CCDC38: variants seen among roughly 807,000 people sequenced by gnomAD.
CCDC38 encodes the protein coiled-coil domain containing 38, also known as coiled-coil domain-containing protein 38.
Under a neutral mutation model 72.8 loss-of-function variants are expected in CCDC38, and 69 were observed. The observed-to-expected ratio is 0.95, with a 90% CI of 0.78 to 1.16. CCDC38 has a LOEUF of 1.16. CCDC38 is among the 50% of genes most tolerant of loss of function. CCDC38 has a pLI of 0.00. For missense variants in CCDC38, 626 were observed against 638.9 expected (o/e 0.98, Z 0.22); for synonymous variants, 201 against 213.2 (o/e 0.94, Z 0.50).
intron 2 of CCDC38, among the ~76,000 whole-genome samples, chr12:95,927,943 C>A (rs1162974896): frequency 6.7e-6 from 1 of 149,740 alleles, no homozygotes; most frequent in African/African-American, 2.5e-5. Context: ...TGTGGGTAAC[C>A]CGACCTTTCT....
intron 7 of CCDC38, among the ~76,000 whole-genome samples, chr12:95,895,753 C>T (rs2079880418): frequency 1.9e-5 from 1 of 53,626 alleles, no homozygotes; most frequent in Non-Finnish European, 3.0e-5. Context: ...AACTCTGTCT[C>T]GAAAAAAAAA....
chr12:95,869,716 C>T (rs544460736), intron 14 of CCDC38, 143 bp from the exon 15 acceptor site: 31 of 601,362 alleles, frequency 5.2e-5, no homozygotes, highest in Admixed American at 1.1e-4. Context: ...TACTCATAAC[C>T]GTGGCTTTTG....
chr12:95,919,097 T>C, intron 2 of CCDC38, 121 bp from the exon 3 acceptor site: 1 of 649,752 alleles, frequency 1.5e-6, no homozygotes, highest in Non-Finnish European at 2.7e-6. Flanking sequence ...GAGAAGGTAG[T>C]GTTAAAAGAA....
Position 95,879,481 on chromosome 12 carries a change from G to A in CCDC38, c.1142+163C>T, listed in dbSNP as rs1247290377. ...CAAAATTAAAGCCAGTCTATTCTGTGTAAATACGACGTCTACGTTTTGCAC... is the reference window on the plus strand; with the variant it reads ...CAAAATTAAAGCCAGTCTATTCTGTATAAATACGACGTCTACGTTTTGCAC... On this transcript the variant is annotated intron_variant, in intron 12 of 15. Coordinates refer to ENST00000344280, the MANE Select transcript of CCDC38 (RefSeq NM_182496.3). The surrounding 1 kb of genome is among the most constrained non-coding windows in gnomAD (Gnocchi z 5.5). Among the ~76,000 whole-genome samples the A allele has an allele frequency of 6.6e-6, 1 of 152,162 alleles. No individual in the cohort carries two copies. Among genetic ancestry groups the A allele is most frequent in the African/African-American group, 2.4e-5 (1 of 41,424 alleles).
intron 1 of CCDC38, among the ~76,000 whole-genome samples, chr12:95,937,285 T>A (rs1326238957): frequency 6.6e-6 from 1 of 152,192 alleles, no homozygotes; most frequent in Non-Finnish European, 1.5e-5. Context: ...ACAGAACTTG[T>A]CTCTATTTAA....
At chr12:95,889,899 T>A (rs1263119607) in intron 9 of CCDC38, among the ~76,000 whole-genome samples, 7 of 115,076 alleles carry the variant, frequency 6.1e-5, no homozygotes, top group Non-Finnish European at 1.4e-4. Flanking sequence ...TTATTTTACT[T>A]TATTTATTTA....
rs369508095 is a variant in CCDC38, at chr12:95,929,912, A to C, written c.37+6561T>G. Among the ~76,000 whole-genome samples the C allele has an allele frequency of 3.3e-5, 5 of 152,158 alleles. No homozygotes were observed. The East Asian group carries it at 9.6e-4, about 29-fold the overall frequency. Reference sequence around the variant, plus strand: ...CAGTTCTAGCTTCTGATGGCTCTAGACATTCATTGGCTGGATAATTCCAAC... The same window carrying C: ...CAGTTCTAGCTTCTGATGGCTCTAGCCATTCATTGGCTGGATAATTCCAAC... On this transcript the variant is annotated intron_variant, in intron 2 of 15. Coordinates refer to ENST00000344280, the MANE Select transcript of CCDC38 (RefSeq NM_182496.3).
At chr12:95,910,584 G>T (rs561123084) in intron 4 of CCDC38, among the ~76,000 whole-genome samples, 1 of 152,320 alleles carries the variant, frequency 6.6e-6, no homozygotes, top group South Asian at 2.1e-4. Flanking sequence ...AATTCAGGCT[G>T]GGCATGGTGG....
In CCDC38 at chr12:95,881,558, TAAAAGAA is replaced by T. The variant is rs1331044024; in HGVS notation, c.921-11_921-5del. The T allele has an allele frequency of 1.2e-6, 2 of 1,606,056 alleles. No individual in the cohort carries two copies. The highest frequency in any genetic ancestry group is 1.7e-6 in the Non-Finnish European group (2 of 1,176,180). ...TGAACCGAAACTTTCAGCCAGGCTG[TAAAAGAA>T]AAAAGAAAAAGAAAATGTCTGATTT... On this transcript the variant is annotated splice_polypyrimidine_tract_variant and splice_region_variant and intron_variant, in intron 10 of 15. Transcript: ENST00000344280.
chr12:95,881,484 C>G lies in CCDC38; in HGVS notation c.990+1G>C. The G allele has an allele frequency of 6.2e-7, 1 of 1,605,434 alleles. No homozygotes were observed. Among genetic ancestry groups the G allele is most frequent in the South Asian group, 1.1e-5 (1 of 89,870 alleles). ...TAAACTAGCAAATATAATCTGGTTA[C>G]CAAATCAACGTCCATTTCATCATCT... On this transcript the variant is annotated splice_donor_variant, in intron 11 of 15. Transcript: ENST00000344280. LOFTEE classifies it high-confidence loss of function.
At chr12:95,900,634 T>C (rs2079940401) in intron 5 of CCDC38, among the ~76,000 whole-genome samples, 1 of 152,200 alleles carries the variant, frequency 6.6e-6, no homozygotes, top group African/African-American at 2.4e-5. Context: ...CTGCTCATAA[T>C]GGTTACACCT....
chr12:95,935,031 G>C (rs764849472), intron 2 of CCDC38: 1 of 151,972 alleles, frequency 6.6e-6, no homozygotes, highest in Non-Finnish European at 1.5e-5. Context: ...CCATTCCCTG[G>C]TTGTATTATA....
intron 2 of CCDC38, among the ~76,000 whole-genome samples, chr12:95,923,285 C>T (rs750457751): frequency 6.6e-6 from 1 of 152,126 alleles, no homozygotes; most frequent in Non-Finnish European, 1.5e-5. Flanking sequence ...CATAGTAAAT[C>T]TCCTTCTTAT....
chr12:95,875,602 G>A (rs988340587), intron 13 of CCDC38, among the ~76,000 whole-genome samples: 2 of 152,086 alleles, frequency 1.3e-5, no homozygotes, highest in Admixed American at 6.6e-5. Flanking sequence ...ATTATGTTTT[G>A]TATATTCTGA....
chr12:95,913,342 A>G (rs1418556524), intron 4 of CCDC38, among the ~76,000 whole-genome samples: 1 of 152,182 alleles, frequency 6.6e-6, no homozygotes, highest in Admixed American at 6.5e-5. Context: ...TTCCCCACTA[A>G]GTTGATGTCA....
At chr12:95,940,191 C>CT (rs1196255837) in intron 1 of CCDC38, among the ~76,000 whole-genome samples, 2 of 152,208 alleles carry the variant, frequency 1.3e-5, no homozygotes, top group African/African-American at 4.8e-5. Flanking sequence ...CTGACAACTA[C>CT]TTTTTGTAAG....
intron 11 of CCDC38, 51 bp downstream of exon 11, chr12:95,881,434 A>G: frequency 8.0e-7 from 1 of 1,249,994 alleles, no homozygotes; most frequent in Non-Finnish European, 1.2e-6. Flanking sequence ...AATGATCATC[A>G]GTATTTTTCA....
chr12:95,886,025 C>G (rs967575542), intron 10 of CCDC38, among the ~76,000 whole-genome samples: 7 of 151,594 alleles, frequency 4.6e-5, no homozygotes, highest in African/African-American at 1.7e-4. Context: ...TTTGTGAAAT[C>G]AAGGCCATAC....
At chr12:95,891,671 G>A (rs141148005) in intron 8 of CCDC38, among the ~76,000 whole-genome samples, 25 of 151,978 alleles carry the variant, frequency 1.6e-4, no homozygotes, top group Non-Finnish European at 2.8e-4. Context: ...ATTTTAAATT[G>A]TTGAATGCAA....
Sources: gnomAD v4.1 joint callset for allele counts (sites outside exome capture counted in the v4.1 genomes callset) on GRCh38, gnomAD v4.1.1 for gene constraint, Gnocchi (gnomAD v3.1) non-coding constraint, MANE v1.5 for transcripts, NCBI Gene and HGNC (gene_info 2026-07-23, HGNC 2026-07-21) for gene names.